Variants in SLC15A1 observed in about 807,000 individuals in gnomAD.
The protein encoded by SLC15A1 is solute carrier family 15 member 1.
Under a neutral mutation model 92.9 loss-of-function variants are expected in SLC15A1, and 83 were observed. The ratio of observed to expected loss-of-function variants is 0.89; its 90% CI spans 0.75 to 1.07. The LOEUF is 1.07. SLC15A1 is among the 50% of genes least tolerant of loss of function. SLC15A1 has a pLI of 0.00. For synonymous variants in SLC15A1, 322 were observed against 318.2 expected, an observed-to-expected ratio of 1.01 and a Z score of -0.13; for missense variants, 857 against 880.1, an observed-to-expected ratio of 0.97 and a Z score of 0.33.
chr13:98,747,479 A>G (rs2139615783), intron 1 of SLC15A1, among the ~76,000 whole-genome samples: 1 of 152,186 alleles, frequency 6.6e-6, no homozygotes. Context: ...TAGCAGTCCC[A>G]TTTTCTAGGG....
rs540478040 is a variant in SLC15A1 at position 98,737,887 on chromosome 13, G to T, written c.5-11028C>A. 2.3e-4 allele frequency among the ~76,000 whole-genome samples: 35 copies of T among 152,310 alleles called. 1 individual carries two copies. The highest frequency in any genetic ancestry group is 2.0e-3 in the Admixed American group (30 of 15,284). ...GGAACTTCTTAGAAACTGTCTAAAT[G>T]GTTGTGATCAAAATGCAAATAGTGA... On this transcript the variant is annotated intron_variant, in intron 1 of 22. Coordinates refer to ENST00000376503, the MANE Select transcript of SLC15A1 (RefSeq NM_005073.4).
chr13:98,708,593 C>A (rs1216436993), intron 15 of SLC15A1, 93 bp downstream of exon 15: 25 of 1,122,308 alleles, frequency 2.2e-5, no homozygotes, highest in Non-Finnish European at 1.8e-5. Context: ...ACCTTGGCCT[C>A]CCCTAATCCC....
chr13:98,713,815 G>A (rs1258110309), intron 9 of SLC15A1, among the ~76,000 whole-genome samples: 1 of 152,208 alleles, frequency 6.6e-6, no homozygotes, highest in Non-Finnish European at 1.5e-5. Flanking sequence ...AGGAGGCTGA[G>A]GTGGGCGGAT....
intron 1 of SLC15A1, among the ~76,000 whole-genome samples, chr13:98,744,082 A>G (rs1357556175): frequency 6.6e-6 from 1 of 152,066 alleles, no homozygotes; most frequent in Non-Finnish European, 1.5e-5. Context: ...TCTACAAAAA[A>G]TAACAAAAAT....
chr13:98,726,775 C>T, intron 2 of SLC15A1, 68 bp downstream of exon 2: 1 of 1,479,942 alleles, frequency 6.8e-7, no homozygotes, highest in South Asian at 1.1e-5. Context: ...TGAATGAACC[C>T]TTAGGGGTAA....
intron 1 of SLC15A1, among the ~76,000 whole-genome samples, chr13:98,745,318 C>A (rs753906377): frequency 6.6e-6 from 1 of 152,148 alleles, no homozygotes; most frequent in Non-Finnish European, 1.5e-5. Flanking sequence ...ATGTTTTCTA[C>A]CTAAAGTCAT....
chr13:98,740,121 C>A (rs4772129), intron 1 of SLC15A1, among the ~76,000 whole-genome samples: 146,193 of 152,326 alleles, frequency 0.96, 70,222 homozygotes, highest in African/African-American at 0.97. Flanking sequence ...CATGACAAGC[C>A]TTATATTGTC....
chr13:98,686,575 C>T (rs531086542), intron 21 of SLC15A1, among the ~76,000 whole-genome samples: 77 of 152,320 alleles, frequency 5.1e-4, no homozygotes, highest in African/African-American at 1.7e-3. Context: ...CCTATTTCTA[C>T]AGGAGAGCTT....
At chr13:98,698,809 A>T (rs1255376458) in intron 18 of SLC15A1, among the ~76,000 whole-genome samples, 2 of 152,166 alleles carry the variant, frequency 1.3e-5, no homozygotes, top group Non-Finnish European at 2.9e-5. Flanking sequence ...GTATATTAAT[A>T]GTATACAAAA....
chr13:98,744,478 C>A (rs749438450), intron 1 of SLC15A1, among the ~76,000 whole-genome samples: 1 of 151,430 alleles, frequency 6.6e-6, no homozygotes, highest in Non-Finnish European at 1.5e-5. Flanking sequence ...AAGCCGGGTG[C>A]GGTGGCTCAC....
intron 1 of SLC15A1, among the ~76,000 whole-genome samples, chr13:98,745,095 A>C (rs1328139137): frequency 6.6e-6 from 1 of 152,192 alleles, no homozygotes; most frequent in African/African-American, 2.4e-5. Flanking sequence ...ACAGAATGGG[A>C]ACGTCGTTTT....
chr13:98,692,185 ACT>A (rs1408267696), intron 18 of SLC15A1, among the ~76,000 whole-genome samples: 3 of 107,108 alleles, frequency 2.8e-5, no homozygotes, highest in African/African-American at 3.5e-5. Flanking sequence ...ACAAGGCCTC[ACT>A]CTGTCACCCA....
intron 1 of SLC15A1, among the ~76,000 whole-genome samples, chr13:98,739,215 T>C (rs1421324091): frequency 6.6e-6 from 1 of 152,168 alleles, no homozygotes; most frequent in African/African-American, 2.4e-5. Context: ...GGCTCATAGG[T>C]GGAAAGGACT....
chr13:98,689,888 T>G (rs1380387473), intron 18 of SLC15A1, among the ~76,000 whole-genome samples: 3 of 152,294 alleles, frequency 2.0e-5, no homozygotes, highest in East Asian at 1.9e-4. Flanking sequence ...GCTTCCTATC[T>G]CTACAAAGTC....
At chr13:98,724,728 C>T (rs536630737) in intron 4 of SLC15A1, among the ~76,000 whole-genome samples, 2 of 152,264 alleles carry the variant, frequency 1.3e-5, no homozygotes, top group East Asian at 3.9e-4. Flanking sequence ...CTGCCTTGGC[C>T]TCCCAAAGTG....
At position 98,684,273 on chromosome 13, in the gene SLC15A1, C is replaced by T. The variant is rs910883447; in HGVS notation, c.*451G>A. The T allele has an allele frequency of 1.0e-4, 16 of 155,734 alleles. No homozygotes were observed. The highest frequency in any genetic ancestry group is 1.9e-4 in the East Asian group (1 of 5,338). The allele number at this position is 155,734 out of a possible 1,614,324, so 9.6% of individuals were successfully genotyped here. A position where few individuals can be genotyped will look rare whatever the true frequency, so the allele number is the denominator to read the frequency against. On this transcript the variant is annotated 3_prime_UTR_variant, in exon 23 of 23. Coordinates refer to ENST00000376503, the MANE Select transcript of SLC15A1 (RefSeq NM_005073.4). ...TTAGAAAATAGCGTTCACGGCCGGG[C>T]GCGGTAGCTCAAGCCTGTAATCCCA...
At chr13:98,740,272 C>T (rs911933115) in intron 1 of SLC15A1, among the ~76,000 whole-genome samples, 35 of 152,306 alleles carry the variant, frequency 2.3e-4, no homozygotes, top group African/African-American at 7.7e-4. Flanking sequence ...TTGCTAGGCA[C>T]GGCCCCTGTC....
intron 1 of SLC15A1, among the ~76,000 whole-genome samples, chr13:98,738,437 G>A (rs2088412240): frequency 6.6e-6 from 1 of 152,250 alleles, no homozygotes. Context: ...GGCCTAGAAG[G>A]GAAGAATGGT....
chr13:98,737,264 G>A (rs2088402257), intron 1 of SLC15A1, among the ~76,000 whole-genome samples: 1 of 152,190 alleles, frequency 6.6e-6, no homozygotes, highest in South Asian at 2.1e-4. Flanking sequence ...AACACCTCAT[G>A]TTCTCACTCA....
Sources: gnomAD v4.1 joint callset for allele counts (sites outside exome capture counted in the v4.1 genomes callset) on GRCh38, gnomAD v4.1.1 for gene constraint, MANE v1.5 for transcripts, NCBI Gene and HGNC (gene_info 2026-07-23, HGNC 2026-07-21) for gene names.